CRTAC1: variants seen among roughly 807,000 people sequenced by gnomAD.
The protein encoded by CRTAC1 is acidic secreted protein in cartilage.
In CRTAC1, 37 loss-of-function variants were observed where a neutral mutation model predicts 67.8. That is an observed-to-expected ratio of 0.55 (90% confidence interval 0.42 to 0.72). CRTAC1 has a LOEUF of 0.72. Among genes scored for constraint, CRTAC1 ranks in the 30% least tolerant of loss-of-function variants. The pLI is 0.00. For missense variants in CRTAC1, 780 were observed against 931.6 expected, an observed-to-expected ratio of 0.84 and a Z score of 2.12; for synonymous variants, 348 against 371.0, an observed-to-expected ratio of 0.94 and a Z score of 0.71.
At chr10:97,970,269 A>G (rs1253565836) in intron 2 of CRTAC1, among the ~76,000 whole-genome samples, 1 of 152,178 alleles carries the variant, frequency 6.6e-6, no homozygotes, top group East Asian at 1.9e-4. Context: ...GGATTACTGC[A>G]AGAACTTCCT....
intron 2 of CRTAC1, among the ~76,000 whole-genome samples, chr10:97,980,404 C>A (rs1245855158): frequency 6.6e-6 from 1 of 152,216 alleles, no homozygotes; most frequent in Non-Finnish European, 1.5e-5. Flanking sequence ...TGCTTCTAAG[C>A]CTCCAAAACC....
chr10:97,949,079 C>A (rs1036969262), intron 2 of CRTAC1, among the ~76,000 whole-genome samples: 4 of 152,076 alleles, frequency 2.6e-5, no homozygotes, highest in African/African-American at 4.8e-5. Flanking sequence ...CATATCACAC[C>A]CAGAAAGCTA....
chr10:97,927,127 G>C (rs60280769), intron 3 of CRTAC1, among the ~76,000 whole-genome samples: 3,902 of 152,270 alleles, frequency 0.026, 159 homozygotes, highest in African/African-American at 0.087. Flanking sequence ...AAGCTGCAGA[G>C]TTCCTGCGTT....
At chr10:97,866,700 A>G (rs572407683) in intron 14 of CRTAC1, 2 of 152,362 alleles carry the variant, frequency 1.3e-5, no homozygotes, top group East Asian at 1.9e-4. Flanking sequence ...GTACATGTGC[A>G]CACACGTGTG....
intron 2 of CRTAC1, among the ~76,000 whole-genome samples, chr10:97,968,109 T>C (rs557844231): frequency 5.9e-5 from 9 of 152,194 alleles, no homozygotes; most frequent in Non-Finnish European, 1.2e-4. Context: ...AATTCACAGA[T>C]GACAGAGCCA....
intron 6 of CRTAC1, 100 bp downstream of exon 6, chr10:97,907,913 G>A: frequency 2.2e-6 from 3 of 1,333,802 alleles, no homozygotes; most frequent in Non-Finnish European, 3.1e-6. Flanking sequence ...CTCTCCCTCA[G>A]CCAGAAGAGA....
rs541231538 is a variant in CRTAC1 at position 97,954,415 on chromosome 10, C to T, written c.225-18049G>A. Among the ~76,000 whole-genome samples the T allele has an allele frequency of 3.7e-4, 56 of 152,224 alleles. 1 individual carries two copies. In the South Asian group the frequency reaches 0.01, roughly 28 times the overall value. The stretch of plus-strand genomic sequence containing the variant: ...TGAGCATTACAAATCACTGACTCGA[C>T]GTTGTGATTGCTAGAGCTGGGGTTC... On this transcript the variant is annotated intron_variant, in intron 2 of 14. Coordinates refer to ENST00000370597, the MANE Select transcript of CRTAC1 (RefSeq NM_018058.7).
At chr10:97,912,811 G>C (rs895409034) in intron 5 of CRTAC1, among the ~76,000 whole-genome samples, 1 of 152,200 alleles carries the variant, frequency 6.6e-6, no homozygotes, top group African/African-American at 2.4e-5. Context: ...TTCCTGTAAA[G>C]TGGGTGGGAA....
chr10:98,010,777 G>A (rs1842889727), intron 2 of CRTAC1, among the ~76,000 whole-genome samples: 2 of 152,176 alleles, frequency 1.3e-5, no homozygotes, highest in African/African-American at 4.8e-5. Flanking sequence ...TTCCTGTATA[G>A]AGATCCTAGA....
intron 3 of CRTAC1, among the ~76,000 whole-genome samples, chr10:97,930,012 T>G (rs898452706): frequency 1.2e-4 from 19 of 152,176 alleles, no homozygotes; most frequent in African/African-American, 4.6e-4. Context: ...CTTCCTTCCC[T>G]CATCCCAAGG....
At chr10:97,960,553 TCTCCC>T (rs1264231066) in intron 2 of CRTAC1, among the ~76,000 whole-genome samples, 1 of 152,212 alleles carries the variant, frequency 6.6e-6, no homozygotes, top group East Asian at 1.9e-4. Flanking sequence ...GAATCATTAT[TCTCCC>T]ATCTATGGTC....
intron 11 of CRTAC1, among the ~76,000 whole-genome samples, chr10:97,889,019 G>A (rs1018929281): frequency 2.0e-5 from 3 of 151,926 alleles, no homozygotes; most frequent in African/African-American, 4.8e-5. Context: ...AGCATCAGCC[G>A]GCTCGGAGAG....
At chr10:97,923,890 G>A (rs2050876724) in intron 3 of CRTAC1, among the ~76,000 whole-genome samples, 1 of 152,202 alleles carries the variant, frequency 6.6e-6, no homozygotes, top group South Asian at 2.1e-4. Context: ...AGTCCACCCT[G>A]AGGAAGGGGC....
At chr10:98,014,509 A>G (rs1842960711) in intron 1 of CRTAC1, among the ~76,000 whole-genome samples, 2 of 152,376 alleles carry the variant, frequency 1.3e-5, no homozygotes, top group South Asian at 4.1e-4. Flanking sequence ...GGACACTATC[A>G]AAAGAGTGAA....
chr10:97,868,939 C>A (rs1424041996), intron 14 of CRTAC1: 1 of 152,220 alleles, frequency 6.6e-6, no homozygotes, highest in Non-Finnish European at 1.5e-5. Context: ...TCATTCAATT[C>A]TCACAGCAAC....
At chr10:97,953,343 T>C (rs1019002166) in intron 2 of CRTAC1, among the ~76,000 whole-genome samples, 21 of 152,162 alleles carry the variant, frequency 1.4e-4, no homozygotes, top group African/African-American at 4.8e-4. Flanking sequence ...CTTTTAGAGA[T>C]AAGAGAAACC....
chr10:98,012,533 T>A (rs957226896), intron 1 of CRTAC1, among the ~76,000 whole-genome samples: 2 of 139,906 alleles, frequency 1.4e-5, no homozygotes, highest in African/African-American at 5.6e-5. Context: ...TCCTGCTGGC[T>A]TGTCAGTGCA....
intron 2 of CRTAC1, among the ~76,000 whole-genome samples, chr10:97,954,619 A>T (rs1024477646): frequency 2.6e-5 from 4 of 152,182 alleles, no homozygotes; most frequent in Non-Finnish European, 5.9e-5. Context: ...TGTGTGAAAT[A>T]ATTCCCATAT....
At chr10:97,984,959 T>TCAATTTCAAA (rs1218054147) in intron 2 of CRTAC1, among the ~76,000 whole-genome samples, 3 of 152,198 alleles carry the variant, frequency 2.0e-5, no homozygotes, top group Non-Finnish European at 4.4e-5. Context: ...AAACAATTCT[T>TCAATTTCAAA]CAATCCTTGC....
Sources: gnomAD v4.1 joint callset for allele counts (sites outside exome capture counted in the v4.1 genomes callset) on GRCh38, gnomAD v4.1.1 for gene constraint, MANE v1.5 for transcripts, NCBI Gene and HGNC (gene_info 2026-07-23, HGNC 2026-07-21) for gene names.